Variants in PDE9A observed in about 807,000 individuals in gnomAD.
PDE9A encodes phosphodiesterase 9A.
Under a neutral mutation model 87.4 loss-of-function variants are expected in PDE9A, and 60 were observed. The ratio of observed to expected loss-of-function variants is 0.69; its 90% confidence interval spans 0.56 to 0.85. The LOEUF (loss-of-function observed/expected upper bound fraction) is 0.85. Among genes scored for constraint, PDE9A ranks in the 40% least tolerant of loss-of-function variants. The pLI is 0.00. For missense variants in PDE9A, 665 were observed against 779.0 expected (o/e 0.85, Z 1.74); for synonymous variants, 272 against 279.4 (o/e 0.97, Z 0.27).
chr21:42,739,362 G>A lies in PDE9A; in HGVS notation c.569-4414G>A, dbSNP rs1323207900. On this transcript the variant is annotated intron_variant, in intron 7 of 19. Coordinates refer to ENST00000291539, the MANE Select transcript of PDE9A (RefSeq NM_002606.3). The surrounding 1 kb of genome is among the most constrained non-coding windows in gnomAD (Gnocchi z 4.1). Reference sequence around the variant, plus strand: ...AGCAGGGCTGGCAGTGGGTCGAAGAGGGGAGCTGTGGAATCTTCCCCAAAG... The same window carrying A: ...AGCAGGGCTGGCAGTGGGTCGAAGAAGGGAGCTGTGGAATCTTCCCCAAAG... 6.6e-6 allele frequency among the ~76,000 whole-genome samples: 1 copy of A among 152,190 alleles called. No homozygotes were observed. The highest frequency in any genetic ancestry group is 1.5e-5 in the Non-Finnish European group (1 of 68,044).
chr21:42,685,687 G>C (rs961912340), intron 1 of PDE9A, among the ~76,000 whole-genome samples: 2 of 151,618 alleles, frequency 1.3e-5, no homozygotes, highest in Non-Finnish European at 1.5e-5. Context: ...AGGATGGTCT[G>C]GAACTCCTGA....
At chr21:42,774,006 G>A (rs1213601787) in intron 19 of PDE9A, among the ~76,000 whole-genome samples, 1 of 151,968 alleles carries the variant, frequency 6.6e-6, no homozygotes, top group Non-Finnish European at 1.5e-5. Context: ...TCGGGAGGCT[G>A]AGGCGGAGCT....
At chr21:42,680,784 C>A (rs770974820) in intron 1 of PDE9A, among the ~76,000 whole-genome samples, 6 of 152,218 alleles carry the variant, frequency 3.9e-5, no homozygotes, top group African/African-American at 1.4e-4. Context: ...CCTCCATTCC[C>A]GCCTTTCTGA....
In PDE9A at chr21:42,707,386, C is replaced by T. The variant is rs560819315; in HGVS notation, c.262+8375C>T. 5.3e-5 allele frequency among the ~76,000 whole-genome samples: 8 copies of T among 152,308 alleles called. No homozygotes were observed. The East Asian group carries it at 7.7e-4, about 15-fold the overall frequency. ...GAGGACTTCCTCTGTGTGTGGCATA[C>T]GCGGCTGCCCCGAGGTCAGTCCTCC... is the stretch of plus-strand genomic sequence containing the variant. On this transcript the variant is annotated intron_variant, in intron 4 of 19. Transcript: ENST00000291539.
At chr21:42,667,394 GCA>G (rs967805888) in intron 1 of PDE9A, among the ~76,000 whole-genome samples, 1 of 152,186 alleles carries the variant, frequency 6.6e-6, no homozygotes, top group Admixed American at 6.5e-5. Context: ...CATGGATGGG[GCA>G]CAGTTTTTTT....
chr21:42,677,557 A>G (rs1026329859), intron 1 of PDE9A, among the ~76,000 whole-genome samples: 2 of 152,148 alleles, frequency 1.3e-5, no homozygotes, highest in African/African-American at 4.8e-5. Flanking sequence ...AGTGCTTCAC[A>G]TCAACACTGT....
chr21:42,728,276 C>T lies in PDE9A; in HGVS notation c.263-3494C>T, dbSNP rs73905758. 2.0e-3 allele frequency among the ~76,000 whole-genome samples: 297 copies of T among 152,224 alleles called. 1 individual carries two copies. Among genetic ancestry groups the T allele is most frequent in the African/African-American group, 6.7e-3 (279 of 41,528 alleles). ...GGATTTTGGCATCCTTGTGGGGAGT[C>T]CTGGAACCAATCCCTCAGAGACACC... On this transcript the variant is annotated intron_variant, in intron 4 of 19. Coordinates refer to ENST00000291539, the MANE Select transcript of PDE9A (RefSeq NM_002606.3).
At chr21:42,654,394 C>G (rs1275176172) in intron 1 of PDE9A, among the ~76,000 whole-genome samples, 2 of 152,154 alleles carry the variant, frequency 1.3e-5, no homozygotes, top group Non-Finnish European at 2.9e-5. Context: ...GCAGCGGGTC[C>G]GGCTCTCCCC....
intron 4 of PDE9A, among the ~76,000 whole-genome samples, chr21:42,718,243 A>G (rs1200616138): frequency 6.6e-6 from 1 of 151,754 alleles, no homozygotes; most frequent in African/African-American, 2.4e-5. Flanking sequence ...CTTTATCTTT[A>G]GGTTTCAGCA....
intron 19 of PDE9A, among the ~76,000 whole-genome samples, chr21:42,775,051 C>T (rs1298740688): frequency 2.6e-5 from 4 of 151,532 alleles, no homozygotes; most frequent in Non-Finnish European, 5.9e-5. Flanking sequence ...AAGCAATTCT[C>T]CTGTCTCAGC....
chr21:42,761,621 C>T (rs1341221626), intron 13 of PDE9A, among the ~76,000 whole-genome samples: 1 of 152,216 alleles, frequency 6.6e-6, no homozygotes, highest in Non-Finnish European at 1.5e-5. Context: ...CGAGGTGTGG[C>T]TGTCAGCGCT....
At chr21:42,686,136 G>C (rs1341878418) in intron 1 of PDE9A, 56 bp from the exon 2 acceptor site, 1 of 1,351,760 alleles carries the variant, frequency 7.4e-7, no homozygotes, top group African/African-American at 1.4e-5. Flanking sequence ...GGCGTCTGAC[G>C]TCTCCAGGGA....
chr21:42,715,188 C>CT (rs369972172), intron 4 of PDE9A, among the ~76,000 whole-genome samples: 46,392 of 104,460 alleles, frequency 0.44, 10,766 homozygotes, highest in East Asian at 0.6. Context: ...TGCATCTTTA[C>CT]TTTTTTTTTT....
In PDE9A at chr21:42,688,085, G is replaced by A. The variant is rs1375819426; in HGVS notation, c.218+91G>A. ...TCTGTGATTTTGTAAATGTGCTACT[G>A]CAGAAAGGTGTGAATTGACAGCAGA... On this transcript the variant is annotated intron_variant, in intron 3 of 19. Coordinates refer to ENST00000291539, the MANE Select transcript of PDE9A (RefSeq NM_002606.3). 14 of 1,046,790 alleles carry A rather than the reference G, an allele frequency of 1.3e-5. No individual in the cohort carries two copies. The East Asian group carries it at 3.3e-4, about 25-fold the overall frequency. 64.8% of individuals were successfully genotyped at this position (1,046,790 alleles called of 1,614,324 possible). A position where few individuals can be genotyped will look rare whatever the true frequency, so the allele number is the denominator to read the frequency against.
intron 16 of PDE9A, 84 bp from the exon 17 acceptor site, chr21:42,768,943 C>T (rs909956546): frequency 3.2e-5 from 49 of 1,513,622 alleles, no homozygotes; most frequent in South Asian, 3.9e-5. Flanking sequence ...GGTTAACTGG[C>T]GCATCTTGTC....
chr21:42,740,843 G>A (rs1266779064), intron 7 of PDE9A, among the ~76,000 whole-genome samples: 1 of 152,096 alleles, frequency 6.6e-6, no homozygotes, highest in Non-Finnish European at 1.5e-5. Flanking sequence ...CAGAAAGCCT[G>A]GAAGGACACA....
At position 42,751,030 on chromosome 21, in the gene PDE9A, G is replaced by A. The variant is rs1026435662; in HGVS notation, c.654-86G>A. ...TAAGACCACACGGGGCTTGGGGGTT[G>A]GGTTTGTCGCTTGCTTTTGCTGTGC... On this transcript the variant is annotated intron_variant, in intron 8 of 19. Transcript: ENST00000291539. 5.7e-6 allele frequency: 5 copies of A among 873,712 alleles called. No homozygotes were observed. The Admixed American group carries it at 8.7e-5, about 15-fold the overall frequency. 54.1% of individuals were successfully genotyped at this position (873,712 alleles called of 1,614,324 possible).
chr21:42,744,754 G>A (rs2053667038), intron 8 of PDE9A, among the ~76,000 whole-genome samples: 1 of 152,226 alleles, frequency 6.6e-6, no homozygotes, highest in Non-Finnish European at 1.5e-5. Context: ...TGGAGCCAGG[G>A]TCAGGACACG....
intron 7 of PDE9A, among the ~76,000 whole-genome samples, chr21:42,740,158 G>A (rs1222679756): frequency 6.6e-6 from 1 of 152,134 alleles, no homozygotes; most frequent in Non-Finnish European, 1.5e-5. Context: ...ATAGGTAGAG[G>A]CTGGGTGCAG....
Sources: gnomAD v4.1 joint callset for allele counts (sites outside exome capture counted in the v4.1 genomes callset) on GRCh38, gnomAD v4.1.1 for gene constraint, Gnocchi (gnomAD v3.1) non-coding constraint, MANE v1.5 for transcripts, NCBI Gene and HGNC (gene_info 2026-07-23, HGNC 2026-07-21) for gene names.